APOBR: variants seen among roughly 807,000 people sequenced by gnomAD.
The protein encoded by APOBR is apoB-48R.
Under a neutral mutation model 88.5 loss-of-function variants are expected in APOBR, and 57 were observed. That is an observed-to-expected ratio of 0.64 (90% CI 0.52 to 0.80). The LOEUF is 0.80. Among genes scored for constraint, APOBR ranks in the 30% least tolerant of loss-of-function variants. The pLI, the probability that APOBR is intolerant of heterozygous loss-of-function variation, is 0.00. For missense variants in APOBR, 1,443 were observed against 1,401.6 expected, an observed-to-expected ratio of 1.03 and a Z score of -0.47; for synonymous variants, 588 against 572.7, an observed-to-expected ratio of 1.03 and a Z score of -0.38.
Position 28,496,645 on chromosome 16 carries a change from A to T in APOBR, c.1604A>T (p.Glu535Val). ...AGGCCTGAGGAGGAGCTCACAGGGG[A>T]GGAGAGTGAGGCGGCCCAGACTAGC... The part of the protein sequence containing the change: ...EARPEEELTG[E>V]ESEAAQTSCG... Residue 535 changes from glutamate to valine, a missense_variant, in exon 2 of 4, where the codon GAG (glutamate) becomes GTG (valine). Transcript: ENST00000564831. The T allele has an allele frequency of 6.3e-7, 1 of 1,599,788 alleles. No individual in the cohort carries two copies. The highest frequency in any genetic ancestry group is 8.5e-7 in the Non-Finnish European group (1 of 1,172,010).
At position 28,495,263 on chromosome 16, in the gene APOBR, A is replaced by C. The variant is rs1159127868; in HGVS notation, c.222A>C (p.Gln74His). ...QEDLEGLRGSQNEGAGRLRGP... is the reference protein window; with the variant it reads ...QEDLEGLRGSHNEGAGRLRGP... ...ACCTGGAGGGCCTTAGAGGCAGCCAAAACGAGGGGGCTGGAAGGCTGAGAG... is the reference window on the plus strand; with the variant it reads ...ACCTGGAGGGCCTTAGAGGCAGCCACAACGAGGGGGCTGGAAGGCTGAGAG... The change falls in exon 2 of 4, where the codon CAA becomes CAC. Residue 74 changes from glutamine to histidine, a missense_variant. Physicochemically the swap from Gln to His is conservative, Grantham distance 24. Coordinates refer to ENST00000564831, the MANE Select transcript of APOBR (RefSeq NM_018690.4). 11 of 1,527,368 alleles carry C rather than the reference A, an allele frequency of 7.2e-6. No homozygotes were observed. The highest frequency in any genetic ancestry group is 9.7e-6 in the Non-Finnish European group (11 of 1,139,254). 94.6% of individuals were successfully genotyped at this position (1,527,368 alleles called of 1,614,324 possible). A position where few individuals can be genotyped will look rare whatever the true frequency, so the allele number is the denominator to read the frequency against.
chr16:28,496,721 A>G lies in APOBR; in HGVS notation c.1680A>G (p.Lys560=), dbSNP rs753056200. ...EWGGLTHSVT[K]GQGPELMGGA... is the part of the protein sequence containing the mutation. ...GTGGCCTCACACACAGCGTCACCAA[A>G]GGCCAAGGACCTGAGCTGATGGGGG... Residue 560 remains lysine, a synonymous_variant, in exon 2 of 4, where the codon AAA becomes AAG. Transcript: ENST00000564831. 12 of 1,599,924 alleles carry G rather than the reference A, an allele frequency of 7.5e-6. No individual in the cohort carries two copies. The highest frequency in any genetic ancestry group is 1.0e-5 in the Non-Finnish European group (12 of 1,173,836).
chr16:28,496,842 A>T lies in APOBR; in HGVS notation c.1801A>T (p.Ser601Cys). The T allele has an allele frequency of 6.4e-7, 1 of 1,559,770 alleles. No homozygotes were observed. The change falls in exon 2 of 4, where the codon AGC (serine) becomes TGC (cysteine). Residue 601 changes from serine to cysteine, a missense_variant. By Grantham distance (112) the Ser-to-Cys change is moderately radical (BLOSUM62 -1). Transcript: ENST00000564831. ...LALSKEEQER[S>C]LEAGPRHAGS... is the part of the protein sequence containing the mutation. ...CCTGAGCAAAGAGGAGCAGGAGAGG[A>T]GCCTGGAGGCAGGTCCCAGGCACGC...
chr16:28,498,452 C>T lies in APOBR; in HGVS notation c.3241C>T (p.Pro1081Ser). 1 of 1,603,304 alleles carries T rather than the reference C, an allele frequency of 6.2e-7. No individual in the cohort carries two copies. Residue 1081 changes from proline to serine, a missense_variant, in exon 4 of 4, where the codon CCT (proline) becomes TCT (serine). Physicochemically the swap from Pro to Ser is moderately conservative, Grantham distance 74. Coordinates refer to ENST00000564831, the MANE Select transcript of APOBR (RefSeq NM_018690.4). ...CGCCTCCAGGTTTGGCCTCGCGCAC[C>T]CTGGCATGATGCAGGAGCTGCAAGC... Reference protein sequence around the residue: ...PLGHGFGLAHPGMMQELQARL... With the variant: ...PLGHGFGLAHSGMMQELQARL...
At position 28,497,976 on chromosome 16, in the gene APOBR, G is replaced by A. The variant is rs1422432818; in HGVS notation, c.2935G>A (p.Ala979Thr). The A allele has an allele frequency of 1.2e-6, 2 of 1,602,280 alleles. No homozygotes were observed. Among genetic ancestry groups the A allele is most frequent in the Non-Finnish European group, 1.7e-6 (2 of 1,173,940 alleles). ...AEAMGSARGG[A>T]ANSWSEAPLP... ...GGCCATGGGCAGTGCCAGAGGAGGTGCTGCCAACAGCTGGAGCGAGGTGAG... is the reference window on the plus strand; with the variant it reads ...GGCCATGGGCAGTGCCAGAGGAGGTACTGCCAACAGCTGGAGCGAGGTGAG... The change falls in exon 2 of 4, where the codon GCT becomes ACT. Residue 979 changes from alanine (A) to threonine (T), a missense_variant. Ala to Thr is a moderately conservative substitution (Grantham distance 58, BLOSUM62 0). Coordinates refer to ENST00000564831, the MANE Select transcript of APOBR (RefSeq NM_018690.4).
chr16:28,497,960 C>A lies in APOBR; in HGVS notation c.2919C>A (p.Gly973=), dbSNP rs2046406980. 6.2e-7 allele frequency: 1 copy of A among 1,610,522 alleles called. No homozygotes were observed. Among genetic ancestry groups the A allele is most frequent in the Non-Finnish European group, 8.5e-7 (1 of 1,178,530 alleles). ...VGEAETAEAM[G]SARGGAANSW... is the part of the protein sequence containing the mutation. ...AAGCCGAGACGGCTGAGGCCATGGG[C>A]AGTGCCAGAGGAGGTGCTGCCAACA... Residue 973 remains glycine, a synonymous_variant, in exon 2 of 4, where the codon GGC becomes GGA. Transcript: ENST00000564831.
Position 28,497,000 on chromosome 16 carries a change from G to GGGAGGCCAGACCCT in APOBR, c.1962_1975dup (p.Ala659GlufsTer28). 3.2e-6 allele frequency: 5 copies of GGGAGGCCAGACCCT among 1,570,490 alleles called. No homozygotes were observed. Among genetic ancestry groups the GGGAGGCCAGACCCT allele is most frequent in the Non-Finnish European group, 4.3e-6 (5 of 1,158,516 alleles). Reference sequence around the variant, plus strand: ...AGCAGCGGGAGGAGGAGGAGACTGCGGGAGGCCAGACCCTGGCGGCTGAGG... The same window carrying GGGAGGCCAGACCCT: ...AGCAGCGGGAGGAGGAGGAGACTGCGGGAGGCCAGACCCTGGAGGCCAGACCCTGGCGGCTGAGG... On this transcript the variant is annotated frameshift_variant, in exon 2 of 4. Coordinates refer to ENST00000564831, the MANE Select transcript of APOBR (RefSeq NM_018690.4). LOFTEE classifies it high-confidence loss of function.
At position 28,497,075 on chromosome 16, in the gene APOBR, G is replaced by T. The variant is rs1253349040; in HGVS notation, c.2034G>T (p.Gly678=). 2 of 1,594,952 alleles carry T rather than the reference G, an allele frequency of 1.3e-6. No individual in the cohort carries two copies. The highest frequency in any genetic ancestry group is 2.3e-5 in the East Asian group (1 of 44,216). ...TATCAGAAGTCCCAGAGGCAGGCGGGGAGGGGCTGACAACCCAGGACGCGG... is the reference window on the plus strand; with the variant it reads ...TATCAGAAGTCCCAGAGGCAGGCGGTGAGGGGCTGACAACCCAGGACGCGG... The part of the protein sequence containing the change: ...SELSEVPEAG[G]EGLTTQDAGC... The change falls in exon 2 of 4, where the codon GGG becomes GGT. Residue 678 remains glycine (G), a synonymous_variant. Coordinates refer to ENST00000564831, the MANE Select transcript of APOBR (RefSeq NM_018690.4).
rs562296617 is a variant in APOBR at position 28,495,998 on chromosome 16, T to G, written c.957T>G (p.Ala319=). Residue 319 remains alanine (A), a synonymous_variant, in exon 2 of 4, where the codon GCT becomes GCG. Transcript: ENST00000564831. ...EAETASGGEE[A]ETASGGEEAG... The stretch of plus-strand genomic sequence containing the variant: ...AGACAGCCTCAGGCGGGGAGGAGGC[T>G]GAAACAGCCTCAGGCGGGGAGGAGG... The G allele has an allele frequency of 6.3e-7, 1 of 1,580,642 alleles. No homozygotes were observed. The highest frequency in any genetic ancestry group is 1.5e-5 in the African/African-American group (1 of 66,896).
Position 28,494,751 on chromosome 16 carries a change from G to A in APOBR, c.57+13G>A. 3.1e-6 allele frequency: 5 copies of A among 1,605,294 alleles called. No homozygotes were observed. The highest frequency in any genetic ancestry group is 4.3e-6 in the Non-Finnish European group (5 of 1,175,662). The stretch of plus-strand genomic sequence containing the variant: ...GAGGGGGGCACTGGTGAGAAGGGCA[G>A]ACAGCTGCCAGATACTTGCACCCCA... On this transcript the variant is annotated intron_variant, in intron 1 of 3. Coordinates refer to ENST00000564831, the MANE Select transcript of APOBR (RefSeq NM_018690.4).
chr16:28,495,371 G>A lies in APOBR; in HGVS notation c.330G>A (p.Gly110=). The change falls in exon 2 of 4, where the codon GGG becomes GGA. Residue 110 remains glycine, a synonymous_variant. Transcript: ENST00000564831. ...TWGWGDGSSH[G]SQAERQDSGA... is the part of the protein sequence containing the mutation. ...GCTGGGGAGATGGCAGCTCCCATGG[G>A]TCCCAAGCAGAGAGGCAGGACAGTG... 1 of 1,562,328 alleles carries A rather than the reference G, an allele frequency of 6.4e-7. No homozygotes were observed. Among genetic ancestry groups the A allele is most frequent in the African/African-American group, 1.4e-5 (1 of 73,684 alleles).
rs1361864138 is a variant in APOBR, at chr16:28,495,706, G to A, written c.665G>A (p.Arg222Gln). The change falls in exon 2 of 4, where the codon CGG becomes CAG. Residue 222 changes from arginine to glutamine, a missense_variant. By Grantham distance (43) the Arg-to-Gln change is conservative. Coordinates refer to ENST00000564831, the MANE Select transcript of APOBR (RefSeq NM_018690.4). ...GGGCCAAAGGCGGCAGGGGACAACC[G>A]GGAGATGGAGCAGGGGGTCAGGGAG... ...AVGPKAAGDN[R>Q]EMEQGVREAD... 1.1e-5 allele frequency: 17 copies of A among 1,530,934 alleles called. No individual in the cohort carries two copies. Among genetic ancestry groups the A allele is most frequent in the Non-Finnish European group, 1.5e-5 (17 of 1,136,242 alleles). 94.8% of individuals were successfully genotyped at this position (1,530,934 alleles called of 1,614,324 possible). A position where few individuals can be genotyped will look rare whatever the true frequency, so the allele number is the denominator to read the frequency against.
Position 28,496,652 on chromosome 16 carries a change from T to A in APOBR, c.1611T>A (p.Ser537Arg). The change falls in exon 2 of 4, where the codon AGT (serine) becomes AGA (arginine). Residue 537 changes from serine to arginine, a missense_variant. Transcript: ENST00000564831. ...RPEEELTGEESEAAQTSCGLL... is the reference protein window; with the variant it reads ...RPEEELTGEEREAAQTSCGLL... ...AGGAGGAGCTCACAGGGGAGGAGAG[T>A]GAGGCGGCCCAGACTAGCTGTGGCC... 6.3e-7 allele frequency: 1 copy of A among 1,596,058 alleles called. No homozygotes were observed. The highest frequency in any genetic ancestry group is 1.1e-5 in the South Asian group (1 of 88,742).
Position 28,496,228 on chromosome 16 carries a change from G to C in APOBR, c.1187G>C (p.Gly396Ala), listed in dbSNP as rs771657351. Reference protein sequence around the residue: ...VRQTEYGAVPGERLLEATGKV... With the variant: ...VRQTEYGAVPAERLLEATGKV... ...CAGACAGAATATGGAGCAGTCCCAG[G>C]AGAAAGGCTCCTAGAGGCTACTGGA... Residue 396 changes from glycine (G) to alanine (A), a missense_variant, in exon 2 of 4, where the codon GGA (glycine) becomes GCA (alanine). Coordinates refer to ENST00000564831, the MANE Select transcript of APOBR (RefSeq NM_018690.4). 6.9e-6 allele frequency: 11 copies of C among 1,600,738 alleles called. No homozygotes were observed. In the South Asian group the frequency reaches 1.2e-4, roughly 18 times the overall value.
At position 28,498,019 on chromosome 16, in the gene APOBR, C is replaced by T. The variant is rs369440417; in HGVS notation, c.2955+23C>T. The T allele has an allele frequency of 5.8e-6, 9 of 1,560,048 alleles. No individual in the cohort carries two copies. The East Asian group carries it at 6.8e-5, about 12-fold the overall frequency. On this transcript the variant is annotated intron_variant, in intron 2 of 3. Coordinates refer to ENST00000564831, the MANE Select transcript of APOBR (RefSeq NM_018690.4). ...GAGGTGAGGGCTCTTGGTGGGGTCT[C>T]GGGGGGAACGAGTGGAATCCCGAAG...
Position 28,497,857 on chromosome 16 carries a change from G to A in APOBR, c.2816G>A (p.Ser939Asn). 1 of 1,611,784 alleles carries A rather than the reference G, an allele frequency of 6.2e-7. No individual in the cohort carries two copies. The highest frequency in any genetic ancestry group is 1.3e-5 in the African/African-American group (1 of 75,002). The change falls in exon 2 of 4, where the codon AGC becomes AAC. Residue 939 changes from serine to asparagine, a missense_variant. By Grantham distance (46) the Ser-to-Asn change is conservative (BLOSUM62 1). Coordinates refer to ENST00000564831, the MANE Select transcript of APOBR (RefSeq NM_018690.4). The stretch of plus-strand genomic sequence containing the variant: ...GAGGCCAAGGAGACTGAGCCAGAAA[G>A]CCTGGAACATGTCAGGGGCCAGGAG... ...RAEAKETEPE[S>N]LEHVRGQEEQ...
Position 28,495,856 on chromosome 16 carries a change from C to CT in APOBR, c.816dup (p.Glu273Ter), listed in dbSNP as rs753578432. 1.9e-6 allele frequency: 3 copies of CT among 1,610,086 alleles called. No homozygotes were observed. In the East Asian group the frequency reaches 6.7e-5, roughly 36 times the overall value. On this transcript the variant is annotated frameshift_variant, in exon 2 of 4. Coordinates refer to ENST00000564831, the MANE Select transcript of APOBR (RefSeq NM_018690.4). LOFTEE classifies it high-confidence loss of function. ...GGGACGTGGGGCCCAGGGGCAGAGC[C>CT]TGAGGACTGGGGAATCTTAGGCAGA...
rs373008175 is a variant in APOBR at position 28,496,005 on chromosome 16, G to A, written c.964G>A (p.Ala322Thr). The change falls in exon 2 of 4, where the codon GCC (alanine) becomes ACC (threonine). Residue 322 changes from alanine (A) to threonine (T), a missense_variant. Ala to Thr is a moderately conservative substitution (Grantham distance 58, BLOSUM62 0). Transcript: ENST00000564831. The stretch of plus-strand genomic sequence containing the variant: ...CTCAGGCGGGGAGGAGGCTGAAACA[G>A]CCTCAGGCGGGGAGGAGGCCGGGAC... ...TASGGEEAET[A>T]SGGEEAGTAS... The A allele has an allele frequency of 4.4e-6, 7 of 1,605,828 alleles. No individual in the cohort carries two copies. Among genetic ancestry groups the A allele is most frequent in the Non-Finnish European group, 6.0e-6 (7 of 1,176,370 alleles).
chr16:28,495,272 G>A lies in APOBR; in HGVS notation c.231G>A (p.Gly77=), dbSNP rs751405824. The A allele has an allele frequency of 6.5e-7, 1 of 1,528,562 alleles. No individual in the cohort carries two copies. Among genetic ancestry groups the A allele is most frequent in the East Asian group, 2.3e-5 (1 of 42,736 alleles). 94.7% of individuals were successfully genotyped at this position (1,528,562 alleles called of 1,614,324 possible). The part of the protein sequence containing the change: ...LEGLRGSQNE[G]AGRLRGPGDD... ...GCCTTAGAGGCAGCCAAAACGAGGG[G>A]GCTGGAAGGCTGAGAGGGCCTGGAG... is the stretch of plus-strand genomic sequence containing the variant. The change falls in exon 2 of 4, where the codon GGG becomes GGA. Residue 77 remains glycine, a synonymous_variant. Coordinates refer to ENST00000564831, the MANE Select transcript of APOBR (RefSeq NM_018690.4).
Sources: allele counts gnomAD v4.1 joint callset, GRCh38; gene constraint gnomAD v4.1.1; transcripts MANE v1.5; gene names NCBI Gene and HGNC (gene_info 2026-07-23, HGNC 2026-07-21).